The following SIPA1L3 variants were observed in gnomAD, a reference collection of about 807,000 sequenced individuals.
The protein encoded by SIPA1L3 is signal-induced proliferation-associated 1-like protein 3.
Under a neutral mutation model 150.1 loss-of-function variants are expected in SIPA1L3, and 59 were observed. The ratio of observed to expected loss-of-function variants is 0.39; its 90% CI spans 0.32 to 0.49. The LOEUF (loss-of-function observed/expected upper bound fraction) is 0.49, where lower values mean the gene tolerates loss of function less well. SIPA1L3 is among the 20% of genes least tolerant of loss of function. The pLI is 0.86. For missense variants in SIPA1L3, 2,211 were observed against 2,489.5 expected (o/e 0.89, Z 2.38); for synonymous variants, 1,070 against 1,077.6 (o/e 0.99, Z 0.14).
intron 2 of SIPA1L3, among the ~76,000 whole-genome samples, chr19:38,065,467 G>T (rs1057140159): frequency 6.7e-6 from 1 of 148,446 alleles, no homozygotes; most frequent in African/African-American, 2.5e-5. Context: ...CCAGGCTGGA[G>T]TACAGTGGTG....
intron 1 of SIPA1L3, among the ~76,000 whole-genome samples, chr19:37,941,982 GT>G (rs751454417): frequency 4.6e-5 from 7 of 152,328 alleles, no homozygotes; most frequent in Admixed American, 3.3e-4. Context: ...TTTGGGATCA[GT>G]TATTCATTAT....
chr19:37,988,976 C>T (rs1012618472), intron 1 of SIPA1L3, among the ~76,000 whole-genome samples: 1 of 152,184 alleles, frequency 6.6e-6, no homozygotes. Context: ...GCCTTCTTTA[C>T]AAGCCTGACC....
chr19:38,133,942 G>A (rs1213336410), intron 10 of SIPA1L3, among the ~76,000 whole-genome samples: 3 of 151,950 alleles, frequency 2.0e-5, no homozygotes, highest in East Asian at 3.9e-4. Context: ...CCAGCAGTTC[G>A]AGACCAGCCT....
chr19:38,007,046 G>A (rs969914575), intron 1 of SIPA1L3, among the ~76,000 whole-genome samples: 1 of 152,190 alleles, frequency 6.6e-6, no homozygotes, highest in East Asian at 1.9e-4. Context: ...AAAAGAACGC[G>A]ATGGCTCCCG....
chr19:38,057,065 G>T (rs990249190), intron 2 of SIPA1L3, among the ~76,000 whole-genome samples: 1 of 152,054 alleles, frequency 6.6e-6, no homozygotes, highest in Non-Finnish European at 1.5e-5. Flanking sequence ...GAGGTCAGGG[G>T]TTCGAGACCA....
rs1970715438 is a variant in SIPA1L3 at position 38,110,522 on chromosome 19, A to G, written c.2291+138A>G. 3 of 580,848 alleles carry G rather than the reference A, an allele frequency of 5.2e-6. No homozygotes were observed. In the Admixed American group the frequency reaches 9.1e-5, roughly 18 times the overall value. The allele number at this position is 580,848 out of a possible 1,614,324, so 36.0% of individuals were successfully genotyped here. A position where few individuals can be genotyped will look rare whatever the true frequency, so the allele number is the denominator to read the frequency against. On this transcript the variant is annotated intron_variant, in intron 8 of 21. Coordinates refer to ENST00000222345, the MANE Select transcript of SIPA1L3 (RefSeq NM_015073.3). ...GAGCTCGGCGTATACTCCCCACACC[A>G]TCTCAGAGAGTGGTTTTTAGCCAGA...
At chr19:37,993,078 T>C (rs1967553611) in intron 1 of SIPA1L3, among the ~76,000 whole-genome samples, 1 of 152,068 alleles carries the variant, frequency 6.6e-6, no homozygotes, top group African/African-American at 2.4e-5. Flanking sequence ...GACAGCAGAA[T>C]AGTGAGGGCA....
intron 10 of SIPA1L3, among the ~76,000 whole-genome samples, chr19:38,138,154 GTAAC>G (rs1355822049): frequency 6.6e-6 from 1 of 151,914 alleles, no homozygotes; most frequent in Non-Finnish European, 1.5e-5. Context: ...AAATAATAAA[GTAAC>G]TAAAGGAAAA....
chr19:38,014,544 C>CA (rs1968182840), intron 1 of SIPA1L3, among the ~76,000 whole-genome samples: 1 of 116,838 alleles, frequency 8.6e-6, no homozygotes, highest in Admixed American at 9.5e-5. Context: ...ACACCACATT[C>CA]TTTTTTTTTT....
intron 2 of SIPA1L3, among the ~76,000 whole-genome samples, chr19:38,077,772 G>A (rs1237155935): frequency 1.5e-5 from 2 of 134,388 alleles, no homozygotes; most frequent in Non-Finnish European, 3.1e-5. Context: ...CCAGGTTCAA[G>A]CAATCCTCCT....
chr19:38,020,629 G>C (rs1968351777), intron 1 of SIPA1L3, among the ~76,000 whole-genome samples: 1 of 152,174 alleles, frequency 6.6e-6, no homozygotes, highest in Admixed American at 6.5e-5. Flanking sequence ...GGCTGGGCCT[G>C]GCCTTTAAAA....
At position 38,082,058 on chromosome 19, in the gene SIPA1L3, C is replaced by T. The variant is rs777068795; in HGVS notation, c.493C>T (p.Pro165Ser). ...WPRSPGRAFL[P>S]LRHRSSSEIT... ...CCGGTCCCCCGGCAGGGCCTTCCTCCCCCTTCGGCACCGCAGCAGCAGCGA... is the reference window on the plus strand; with the variant it reads ...CCGGTCCCCCGGCAGGGCCTTCCTCTCCCTTCGGCACCGCAGCAGCAGCGA... The change falls in exon 3 of 22, where the codon CCC (proline) becomes TCC (serine). Residue 165 changes from proline to serine, a missense_variant. Pro to Ser is a moderately conservative substitution (Grantham distance 74). Transcript: ENST00000222345. 3.0e-5 allele frequency: 49 copies of T among 1,613,462 alleles called. No individual in the cohort carries two copies. Among genetic ancestry groups the T allele is most frequent in the Non-Finnish European group, 3.7e-5 (44 of 1,179,992 alleles).
At chr19:38,014,310 G>A (rs921460142) in intron 1 of SIPA1L3, among the ~76,000 whole-genome samples, 3 of 152,186 alleles carry the variant, frequency 2.0e-5, no homozygotes, top group African/African-American at 7.2e-5. Flanking sequence ...CAGTCACTTG[G>A]TGGGATGAAC....
chr19:38,093,241 G>A (rs911274614), intron 4 of SIPA1L3, among the ~76,000 whole-genome samples: 1 of 152,092 alleles, frequency 6.6e-6, no homozygotes, highest in Admixed American at 6.6e-5. Context: ...GGAGGGGAGA[G>A]GGAGCCGTGT....
At chr19:38,041,264 G>A (rs986757904) in intron 2 of SIPA1L3, among the ~76,000 whole-genome samples, 6 of 134,040 alleles carry the variant, frequency 4.5e-5, no homozygotes, top group South Asian at 4.7e-4. Flanking sequence ...CCGCCAACAC[G>A]CTCAGCTAAT....
At chr19:38,101,636 C>T (rs1486990871) in intron 6 of SIPA1L3, among the ~76,000 whole-genome samples, 2 of 152,156 alleles carry the variant, frequency 1.3e-5, no homozygotes, top group African/African-American at 4.8e-5. Context: ...GTCTCGAACT[C>T]CTGACCTCAA....
chr19:38,101,363 A>G (rs959495920), intron 6 of SIPA1L3, 137 bp downstream of exon 6: 9 of 560,924 alleles, frequency 1.6e-5, no homozygotes, highest in Middle Eastern at 4.7e-4. Context: ...TAGGAGCACA[A>G]ATAAGTGCAG....
At chr19:37,975,626 A>G (rs1255598232) in intron 1 of SIPA1L3, among the ~76,000 whole-genome samples, 1 of 152,210 alleles carries the variant, frequency 6.6e-6, no homozygotes, top group African/African-American at 2.4e-5. Flanking sequence ...CAAGGGCTCT[A>G]TAGGTTTAAT....
intron 1 of SIPA1L3, among the ~76,000 whole-genome samples, chr19:37,995,451 G>A (rs1236796430): frequency 3.9e-5 from 6 of 152,194 alleles, no homozygotes; most frequent in African/African-American, 1.2e-4. Flanking sequence ...TAACCCCTGT[G>A]CAGTGCTACC....
Sources: gnomAD v4.1 joint callset for allele counts (sites outside exome capture counted in the v4.1 genomes callset) on GRCh38, gnomAD v4.1.1 for gene constraint, MANE v1.5 for transcripts, NCBI Gene and HGNC (gene_info 2026-07-23, HGNC 2026-07-21) for gene names.